The following CNNM2 variants were observed in gnomAD, a reference collection of about 807,000 sequenced individuals.
The protein encoded by CNNM2 is metal transporter CNNM2.
In CNNM2, 12 loss-of-function variants were observed where a neutral mutation model predicts 66.9. That is an observed-to-expected ratio of 0.18 (90% confidence interval 0.11 to 0.29). The LOEUF (loss-of-function observed/expected upper bound fraction) is 0.29. CNNM2 is among the 10% of genes least tolerant of loss of function. The pLI is 1.00. For synonymous variants in CNNM2, 557 were observed against 501.8 expected, an observed-to-expected ratio of 1.11 and a Z score of -1.47; for missense variants, 705 against 1,167.7, an observed-to-expected ratio of 0.60 and a Z score of 5.77.
intron 1 of CNNM2, among the ~76,000 whole-genome samples, chr10:102,931,997 G>A (rs957425378): frequency 6.6e-6 from 1 of 152,054 alleles, no homozygotes; most frequent in African/African-American, 2.4e-5. Context: ...TGTCTATGCA[G>A]TTCTTTTGCC....
At chr10:103,010,003 G>T (rs2064309676) in intron 1 of CNNM2, among the ~76,000 whole-genome samples, 2 of 151,430 alleles carry the variant, frequency 1.3e-5, no homozygotes, top group Admixed American at 1.3e-4. Context: ...CACTAATACA[G>T]ATTATTTTAT....
chr10:102,978,933 ATGT>A (rs1197871981), intron 1 of CNNM2, among the ~76,000 whole-genome samples: 1 of 152,174 alleles, frequency 6.6e-6, no homozygotes, highest in Non-Finnish European at 1.5e-5. Context: ...ATCATCCATG[ATGT>A]TTTATGAAAT....
intron 1 of CNNM2, among the ~76,000 whole-genome samples, chr10:103,020,891 GGA>G: frequency 6.6e-6 from 1 of 152,152 alleles, no homozygotes; most frequent in Non-Finnish European, 1.5e-5. Context: ...GGTATTGGCT[GGA>G]GAGGGGATGT....
At chr10:103,076,464 C>G (rs1564873304) in intron 7 of CNNM2, among the ~76,000 whole-genome samples, 194 bp downstream of exon 7, 1 of 152,220 alleles carries the variant, frequency 6.6e-6, no homozygotes, top group Non-Finnish European at 1.5e-5. Context: ...AAACGTTGAT[C>G]TTCTTGGTTC....
intron 1 of CNNM2, among the ~76,000 whole-genome samples, chr10:103,042,987 G>A (rs1429557972): frequency 6.6e-6 from 1 of 152,084 alleles, no homozygotes; most frequent in Non-Finnish European, 1.5e-5. Flanking sequence ...TATGTTAGTA[G>A]ATCAGAAATT....
chr10:103,052,947 A>G (rs559041278), intron 2 of CNNM2, among the ~76,000 whole-genome samples: 19 of 152,374 alleles, frequency 1.2e-4, no homozygotes, highest in African/African-American at 4.6e-4. Context: ...TGGAAGTTGC[A>G]GTCGCCTTCT....
intron 1 of CNNM2, chr10:103,027,540 A>C (rs1192451271): frequency 6.6e-6 from 1 of 152,228 alleles, no homozygotes; most frequent in African/African-American, 2.4e-5. Context: ...AACTGAGCAA[A>C]CAATTTGTAG....
At chr10:103,031,511 G>A (rs2064818108) in intron 1 of CNNM2, among the ~76,000 whole-genome samples, 1 of 152,188 alleles carries the variant, frequency 6.6e-6, no homozygotes, top group East Asian at 1.9e-4. Context: ...AGACAGGAGT[G>A]TGTTCTAACA....
intron 1 of CNNM2, among the ~76,000 whole-genome samples, chr10:103,012,172 T>G (rs1003672092): frequency 1.3e-5 from 2 of 152,218 alleles, no homozygotes; most frequent in Admixed American, 1.3e-4. Context: ...CTTATGTAAG[T>G]TTCCCTGTAG....
intron 1 of CNNM2, among the ~76,000 whole-genome samples, chr10:103,009,703 A>T (rs899087368): frequency 3.5e-5 from 4 of 114,946 alleles, no homozygotes; most frequent in African/African-American, 6.3e-5. Flanking sequence ...AAAAAAGTAT[A>T]TTGGGAGAAT....
chr10:102,931,952 C>T (rs1197574016), intron 1 of CNNM2, among the ~76,000 whole-genome samples: 4 of 151,572 alleles, frequency 2.6e-5, no homozygotes, highest in African/African-American at 7.3e-5. Flanking sequence ...CATCTCTTCA[C>T]GTGCTTACTG....
At chr10:102,931,577 G>A (rs2134166979) in intron 1 of CNNM2, among the ~76,000 whole-genome samples, 1 of 152,150 alleles carries the variant, frequency 6.6e-6, no homozygotes, top group East Asian at 1.9e-4. Flanking sequence ...GGCTGGTCTT[G>A]AATTTTCTTC....
chr10:103,061,349 C>T (rs754033535), intron 4 of CNNM2, among the ~76,000 whole-genome samples: 7 of 152,042 alleles, frequency 4.6e-5, no homozygotes, highest in African/African-American at 1.7e-4. Flanking sequence ...GCTGAGATCG[C>T]GCCACTGCTC....
Position 103,068,683 on chromosome 10 carries a change from T to G in CNNM2, c.2128T>G (p.Phe710Val). Residue 710 changes from phenylalanine (F) to valine (V), a missense_variant, in exon 5 of 8, where the codon TTC becomes GTC. By Grantham distance (50) the Phe-to-Val change is conservative. This residue lies in a region of CNNM2 where 194 missense variants were observed against 227.6 expected (regional missense o/e 0.85). Coordinates refer to ENST00000369878, the MANE Select transcript of CNNM2 (RefSeq NM_017649.5). Reference protein sequence around the residue: ...KEGMKFEASAFSYYGVMALTA... With the variant: ...KEGMKFEASAVSYYGVMALTA... ...AGGTATGAAGTTTGAAGCGAGCGCC[T>G]TCTCATACTATGGCGTGATGGCCCT... The G allele has an allele frequency of 6.2e-7, 1 of 1,613,318 alleles. No homozygotes were observed. Among genetic ancestry groups the G allele is most frequent in the Admixed American group, 1.7e-5 (1 of 59,952 alleles).
intron 1 of CNNM2, among the ~76,000 whole-genome samples, chr10:102,964,909 C>T (rs1274378290): frequency 2.0e-5 from 3 of 152,124 alleles, no homozygotes; most frequent in Non-Finnish European, 4.4e-5. Flanking sequence ...GCTTCTCCCT[C>T]ATGAAAGTGA....
chr10:103,071,747 C>G, intron 5 of CNNM2, 27 bp from the exon 6 acceptor site: 1 of 1,596,646 alleles, frequency 6.3e-7, no homozygotes, highest in Non-Finnish European at 8.6e-7. Flanking sequence ...TTGATGCGAT[C>G]TCACCCTGTT....
rs940865374 is a variant in CNNM2, at chr10:103,077,224, C to T, written c.*44C>T. 7.0e-6 allele frequency: 11 copies of T among 1,567,706 alleles called. No individual in the cohort carries two copies. Among genetic ancestry groups the T allele is most frequent in the Admixed American group, 3.4e-5 (2 of 59,608 alleles). On this transcript the variant is annotated 3_prime_UTR_variant, in exon 8 of 8. Coordinates refer to ENST00000369878, the MANE Select transcript of CNNM2 (RefSeq NM_017649.5). The stretch of plus-strand genomic sequence containing the variant: ...GCCCAGGCCCGCACCCGCCCAGTCC[C>T]GAGGGCCCGGCCCTGTCTGCCCATG...
chr10:102,945,558 GC>G (rs1003290360), intron 1 of CNNM2, among the ~76,000 whole-genome samples: 2 of 150,998 alleles, frequency 1.3e-5, no homozygotes, highest in African/African-American at 2.4e-5. Context: ...CCATCCCCCT[GC>G]GCCCCACAGT....
At chr10:103,058,834 C>T (rs1019070720) in intron 4 of CNNM2, among the ~76,000 whole-genome samples, 3 of 152,224 alleles carry the variant, frequency 2.0e-5, no homozygotes, top group African/African-American at 7.2e-5. Flanking sequence ...GAAACACCCT[C>T]ACAGCCTCAG....
Sources: gnomAD v4.1 joint callset for allele counts (sites outside exome capture counted in the v4.1 genomes callset) on GRCh38, gnomAD v4.1.1 for gene constraint, gnomAD v4.1.1 regional missense constraint, MANE v1.5 for transcripts, NCBI Gene and HGNC (gene_info 2026-07-23, HGNC 2026-07-21) for gene names.